AGPS: variants seen among roughly 807,000 people sequenced by gnomAD.
AGPS encodes the protein alkylglycerone phosphate synthase.
In AGPS, 26 loss-of-function variants were observed where a neutral mutation model predicts 90.7. That is an observed-to-expected ratio of 0.29 (90% CI 0.21 to 0.40). The LOEUF (loss-of-function observed/expected upper bound fraction) is 0.40. AGPS is among the 10% of genes least tolerant of loss of function. The pLI is 1.00. For missense variants in AGPS, 540 were observed against 816.1 expected (o/e 0.66, Z 4.12); for synonymous variants, 294 against 285.3 (o/e 1.03, Z -0.31).
chr2:177,447,903 A>G (rs905748412), intron 8 of AGPS, among the ~76,000 whole-genome samples: 3 of 152,160 alleles, frequency 2.0e-5, no homozygotes, highest in African/African-American at 7.2e-5. Context: ...ACACAAATAC[A>G]GTAGTTGGGT....
chr2:177,501,662 T>G (rs1688564401), intron 14 of AGPS, among the ~76,000 whole-genome samples: 1 of 152,150 alleles, frequency 6.6e-6, no homozygotes, highest in South Asian at 2.1e-4. Context: ...TTTGTTTGTT[T>G]GTTTTTGTTT....
intron 10 of AGPS, among the ~76,000 whole-genome samples, chr2:177,480,538 T>C (rs1687912834): frequency 6.6e-6 from 1 of 151,698 alleles, no homozygotes. Flanking sequence ...TGAGAACACT[T>C]GGACACAGGA....
chr2:177,475,746 C>T (rs1395785937), intron 10 of AGPS, among the ~76,000 whole-genome samples: 18 of 152,064 alleles, frequency 1.2e-4, no homozygotes, highest in Admixed American at 1.2e-3. Context: ...AATTGTGCTG[C>T]ATTAAACATT....
intron 19 of AGPS, among the ~76,000 whole-genome samples, chr2:177,529,162 T>G (rs1030158786): frequency 6.6e-6 from 1 of 152,070 alleles, no homozygotes; most frequent in African/African-American, 2.4e-5. Context: ...CGGCCGCATA[T>G]TATTCTTTTA....
At chr2:177,523,907 C>A in intron 19 of AGPS, 102 bp downstream of exon 19, 1 of 991,126 alleles carries the variant, frequency 1.0e-6, no homozygotes, top group South Asian at 1.4e-5. Flanking sequence ...TATGAGAGTA[C>A]TTGAGGTTTC....
intron 16 of AGPS, 118 bp from the exon 17 acceptor site, chr2:177,513,701 T>A (rs1007470341): frequency 5.4e-6 from 4 of 746,688 alleles, no homozygotes; most frequent in Non-Finnish European, 9.2e-6. Context: ...AGGACAACTA[T>A]GAAAGCTTTA....
In AGPS at chr2:177,442,440, C is replaced by T. The variant is rs1436568201; in HGVS notation, c.743C>T (p.Pro248Leu). 6.2e-7 allele frequency: 1 copy of T among 1,613,812 alleles called. No individual in the cohort carries two copies. Among genetic ancestry groups the T allele is most frequent in the Non-Finnish European group, 8.5e-7 (1 of 1,179,774 alleles). Residue 248 changes from proline to leucine, a missense_variant, in exon 7 of 20, where the codon CCT becomes CTT. By Grantham distance (98) the Pro-to-Leu change is moderately conservative (BLOSUM62 -3). Around this residue, in one of 2 missense-constraint regions of AGPS, gnomAD observed 405 missense variants for 692.1 expected, o/e 0.59. Coordinates refer to ENST00000264167, the MANE Select transcript of AGPS (RefSeq NM_003659.4). ...AGTGTTTCATATGGCCTGATGTGTC[C>T]TGCAGATGAGACAAGAACAATTATT... The part of the protein sequence containing the change: ...GTSVSYGLMC[P>L]ADETRTIISL...
intron 5 of AGPS, among the ~76,000 whole-genome samples, chr2:177,438,983 T>TACGCACACACACAC (rs1553509829): frequency 2.7e-5 from 4 of 150,066 alleles, no homozygotes; most frequent in East Asian, 3.9e-4. Context: ...ATTCTTGCAA[T>TACGCACACACACAC]ACACACACAC....
intron 1 of AGPS, among the ~76,000 whole-genome samples, chr2:177,412,784 G>A (rs1227871867): frequency 2.6e-5 from 4 of 152,148 alleles, no homozygotes; most frequent in East Asian, 3.9e-4. Flanking sequence ...GGGCCATGTG[G>A]TGAGTGTTAT....
chr2:177,465,880 T>C (rs1417586662), intron 9 of AGPS, among the ~76,000 whole-genome samples: 1 of 152,260 alleles, frequency 6.6e-6, no homozygotes, highest in Non-Finnish European at 1.5e-5. Flanking sequence ...AAGGGGTGTG[T>C]TTCAGCCCTG....
At chr2:177,450,695 T>C (rs1424420638) in intron 8 of AGPS, among the ~76,000 whole-genome samples, 1 of 152,130 alleles carries the variant, frequency 6.6e-6, no homozygotes, top group South Asian at 2.1e-4. Context: ...CGAGTCTTTT[T>C]CAAAGTTGTT....
At chr2:177,408,729 C>T (rs978008700) in intron 1 of AGPS, among the ~76,000 whole-genome samples, 1 of 152,150 alleles carries the variant, frequency 6.6e-6, no homozygotes. Context: ...TCTCTCAATT[C>T]CAGTCTCCTG....
chr2:177,443,740 G>C lies in AGPS; in HGVS notation c.789+1254G>C, dbSNP rs565779461. ...CCTATCTCCTTATCCCAGATTTTAA[G>C]AAAAGGCAATTTATTTCCTCAGAAG... On this transcript the variant is annotated intron_variant, in intron 7 of 19. Transcript: ENST00000264167. Among the ~76,000 whole-genome samples, 46 of 152,152 alleles carry C rather than the reference G, an allele frequency of 3.0e-4. 1 individual carries two copies. Among genetic ancestry groups the C allele is most frequent in the Non-Finnish European group, 5.9e-4 (40 of 68,030 alleles).
intron 8 of AGPS, among the ~76,000 whole-genome samples, chr2:177,456,009 A>G (rs888530276): frequency 2.0e-5 from 3 of 152,160 alleles, no homozygotes; most frequent in African/African-American, 7.2e-5. Context: ...TATGGGGCAG[A>G]GATGTTATTT....
chr2:177,434,980 G>A (rs754810746), intron 3 of AGPS, among the ~76,000 whole-genome samples: 38 of 119,168 alleles, frequency 3.2e-4, no homozygotes, highest in Non-Finnish European at 5.7e-4. Flanking sequence ...GTGGGATTAG[G>A]AAACTTTAAA....
chr2:177,524,750 T>G (rs1186016287), intron 19 of AGPS, among the ~76,000 whole-genome samples: 1 of 152,168 alleles, frequency 6.6e-6, no homozygotes, highest in Non-Finnish European at 1.5e-5. Flanking sequence ...AGGACAGGAA[T>G]TCTAGTTTTG....
rs745598152 is a variant in AGPS at position 177,436,984 on chromosome 2, T to C, written c.567T>C (p.His189=). 2 of 1,613,532 alleles carry C rather than the reference T, an allele frequency of 1.2e-6. No homozygotes were observed. The highest frequency in any genetic ancestry group is 1.7e-5 in the Admixed American group (1 of 60,014). Residue 189 remains histidine (H), a synonymous_variant, in exon 5 of 20, where the codon CAT becomes CAC. Transcript: ENST00000264167. ...TTTTTTTTAACCACAAAACAGGTCA[T>C]TGTCTTCATGAGATATTTTTGCTCA... ...ADDRVFRAHG[H]CLHEIFLLRE... is the part of the protein sequence containing the mutation.
Position 177,541,587 on chromosome 2 carries a change from A to C in AGPS, c.*3392A>C, listed in dbSNP as rs887047967. 1 of 152,212 alleles carries C rather than the reference A, an allele frequency of 6.6e-6. No homozygotes were observed. Among genetic ancestry groups the C allele is most frequent in the Non-Finnish European group, 1.5e-5 (1 of 68,020 alleles). The allele number at this position is 152,212 out of a possible 1,614,324, so 9.4% of individuals were successfully genotyped here. On this transcript the variant is annotated 3_prime_UTR_variant, in exon 20 of 20. Transcript: ENST00000264167. ...CAGACAGGAGTTAAGGACAGCTTTA[A>C]TAATTTTTTTGTTTACCACTTAATC... is the stretch of plus-strand genomic sequence containing the variant.
chr2:177,473,964 A>T (rs912126921), intron 10 of AGPS, among the ~76,000 whole-genome samples: 1 of 152,264 alleles, frequency 6.6e-6, no homozygotes, highest in African/African-American at 2.4e-5. Flanking sequence ...GATTGCCTGC[A>T]GTATATATAT....
Sources: gnomAD v4.1 joint callset for allele counts (sites outside exome capture counted in the v4.1 genomes callset) on GRCh38, gnomAD v4.1.1 for gene constraint, gnomAD v4.1.1 regional missense constraint, MANE v1.5 for transcripts, NCBI Gene and HGNC (gene_info 2026-07-23, HGNC 2026-07-21) for gene names.